The following SEPTIN9 variants were observed in gnomAD, a reference collection of about 807,000 sequenced individuals.
The protein encoded by SEPTIN9 is septin 9, also known as septin-9.
SEPTIN9 carries 13 observed loss-of-function variants against 56.6 expected under a neutral mutation model. That is an observed-to-expected ratio of 0.23 (90% confidence interval 0.15 to 0.37). The LOEUF is 0.37. Ranked by LOEUF, SEPTIN9 falls within the 10% of genes least tolerant of loss-of-function variation. The probability of loss-of-function intolerance (pLI) is 1.00; values close to 1 mark genes in which losing one functional copy is unlikely to be tolerated. For missense variants in SEPTIN9, 650 were observed against 823.1 expected, an observed-to-expected ratio of 0.79 and a Z score of 2.57; for synonymous variants, 332 against 334.1, an observed-to-expected ratio of 0.99 and a Z score of 0.07.
At chr17:77,430,536 A>T (rs1430120412) in intron 3 of SEPTIN9, among the ~76,000 whole-genome samples, 1 of 152,164 alleles carries the variant, frequency 6.6e-6, no homozygotes, top group Non-Finnish European at 1.5e-5. Context: ...AGCAGCCATC[A>T]CGCATTCCCG....
chr17:77,423,603 C>T (rs1313735901), intron 3 of SEPTIN9, among the ~76,000 whole-genome samples: 3 of 152,354 alleles, frequency 2.0e-5, no homozygotes, highest in South Asian at 4.1e-4. Flanking sequence ...CTCAGTGCCT[C>T]GATCCTAGCA....
chr17:77,319,809 T>A lies in SEPTIN9; in HGVS notation c.76+12612T>A. 9.3e-7 allele frequency: 1 copy of A among 1,074,892 alleles called. No individual in the cohort carries two copies. Among genetic ancestry groups the A allele is most frequent in the East Asian group, 4.9e-5 (1 of 20,378 alleles). The allele number at this position is 1,074,892 out of a possible 1,614,324, so 66.6% of individuals were successfully genotyped here. On this transcript the variant is annotated intron_variant, in intron 2 of 11. Coordinates refer to ENST00000427177, the MANE Select transcript of SEPTIN9 (RefSeq NM_001113491.2). This position sits in a 1 kb window ranked among gnomAD's most constrained non-coding sequence, Gnocchi z 5.3. ...GTCGTCAGGAATTTGACTCTGTGAG[T>A]TGGTTTCCAAGAGTCTAAGTTAAGC...
chr17:77,475,499 A>G lies in SEPTIN9; in HGVS notation c.722-6645A>G. On this transcript the variant is annotated intron_variant, in intron 3 of 11. Transcript: ENST00000427177. This position sits in a 1 kb window ranked among gnomAD's most constrained non-coding sequence, Gnocchi z 4.6. ...GGGGACAGGGAGCATCTGTTAGTTT[A>G]TAGGACCTGAAGTGCCCCCATGGGC... 3 of 1,603,774 alleles carry G rather than the reference A, an allele frequency of 1.9e-6. No homozygotes were observed. The highest frequency in any genetic ancestry group is 2.6e-6 in the Non-Finnish European group (3 of 1,175,766).
In SEPTIN9 at chr17:77,498,579, G is replaced by A. The variant is rs777206911; in HGVS notation, c.1682G>A (p.Arg561His). 3 of 1,601,090 alleles carry A rather than the reference G, an allele frequency of 1.9e-6. No individual in the cohort carries two copies. Among genetic ancestry groups the A allele is most frequent in the South Asian group, 2.2e-5 (2 of 89,448 alleles). Residue 561 changes from arginine to histidine, a missense_variant, in exon 12 of 12, where the codon CGT (arginine) becomes CAT (histidine). Physicochemically the swap from Arg to His is conservative, Grantham distance 29 (BLOSUM62 0). Around this residue, in one of 2 missense-constraint regions of SEPTIN9, gnomAD observed 333 missense variants for 494.0 expected, o/e 0.67. Coordinates refer to ENST00000427177, the MANE Select transcript of SEPTIN9 (RefSeq NM_001113491.2). ...AGCAGCATCCACTTCGAGGCGTACC[G>A]TGTGAAGCGCCTCAACGAGGGCAGC... ...ITSSIHFEAYRVKRLNEGSSA... is the reference protein window; with the variant it reads ...ITSSIHFEAYHVKRLNEGSSA...
At chr17:77,391,531 A>G (rs1337375704) in intron 2 of SEPTIN9, among the ~76,000 whole-genome samples, 1 of 152,168 alleles carries the variant, frequency 6.6e-6, no homozygotes, top group African/African-American at 2.4e-5. Context: ...ATTCAGAATG[A>G]TCTCACCTTG....
intron 2 of SEPTIN9, among the ~76,000 whole-genome samples, chr17:77,311,964 C>G (rs1043029722): frequency 6.6e-6 from 1 of 152,164 alleles, no homozygotes; most frequent in African/African-American, 2.4e-5. Context: ...TTGCCACCCA[C>G]CCAGGTTTGC....
intron 2 of SEPTIN9, among the ~76,000 whole-genome samples, chr17:77,346,278 C>CTTTTTTTTT (rs577131369): frequency 0.029 from 1,338 of 46,072 alleles, 85 homozygotes; most frequent in East Asian, 0.042. Context: ...ATCCTTAGGT[C>CTTTTTTTTT]TTTTTTTTTT....
intron 3 of SEPTIN9, among the ~76,000 whole-genome samples, chr17:77,454,998 C>T (rs2038133774): frequency 6.6e-6 from 1 of 151,274 alleles, no homozygotes; most frequent in African/African-American, 2.4e-5. Context: ...AGGTGATGGC[C>T]CATCTGTCCT....
rs12103791 is a variant in SEPTIN9 at position 77,462,220 on chromosome 17, A to G, written c.722-19924A>G. 4.3e-3 allele frequency among the ~76,000 whole-genome samples: 649 copies of G among 152,338 alleles called. 6 individuals are homozygous for G. Among genetic ancestry groups the G allele is most frequent in the African/African-American group, 0.015 (614 of 41,584 alleles). On this transcript the variant is annotated intron_variant, in intron 3 of 11. Coordinates refer to ENST00000427177, the MANE Select transcript of SEPTIN9 (RefSeq NM_001113491.2). ...CCTTCATAAGGAAATGAAGACCCAG[A>G]GAAACCGTTAGCCTGAGCGGTTTTT... is the stretch of plus-strand genomic sequence containing the variant.
At chr17:77,423,087 G>A (rs1469168842) in intron 3 of SEPTIN9, among the ~76,000 whole-genome samples, 1 of 152,060 alleles carries the variant, frequency 6.6e-6, no homozygotes, top group East Asian at 1.9e-4. Context: ...CCAGGCTGAA[G>A]TACAATGGTG....
At chr17:77,295,079 G>A (rs545003350) in intron 1 of SEPTIN9, among the ~76,000 whole-genome samples, 58 of 152,304 alleles carry the variant, frequency 3.8e-4, no homozygotes, top group African/African-American at 1.3e-3. Context: ...GCAAGCCTCC[G>A]TTTCCACCTC....
chr17:77,390,513 G>A (rs1488718224), intron 2 of SEPTIN9, among the ~76,000 whole-genome samples: 5 of 140,496 alleles, frequency 3.6e-5, no homozygotes, highest in Admixed American at 7.1e-5. Flanking sequence ...GTGCAGTGGC[G>A]CGATCTCGGC....
At chr17:77,372,836 A>G (rs1345608635) in intron 2 of SEPTIN9, among the ~76,000 whole-genome samples, 1 of 152,092 alleles carries the variant, frequency 6.6e-6, no homozygotes, top group Non-Finnish European at 1.5e-5. Context: ...TCGGCTCTTG[A>G]GCCCACAGGC....
At chr17:77,452,074 A>G (rs1305095901) in intron 3 of SEPTIN9, among the ~76,000 whole-genome samples, 4 of 152,206 alleles carry the variant, frequency 2.6e-5, no homozygotes, top group Non-Finnish European at 4.4e-5. Flanking sequence ...GCTACAGCGC[A>G]GCTCTGGATT....
At chr17:77,380,248 CAGTG>C (rs1298351610) in intron 2 of SEPTIN9, 3 of 99,796 alleles carry the variant, frequency 3.0e-5, no homozygotes, top group Non-Finnish European at 5.8e-5. Flanking sequence ...GGACCATAAA[CAGTG>C]AGGCCCGCCC....
intron 2 of SEPTIN9, among the ~76,000 whole-genome samples, chr17:77,352,465 G>C (rs2034098070): frequency 6.6e-6 from 1 of 152,036 alleles, no homozygotes; most frequent in South Asian, 2.1e-4. Flanking sequence ...AAAGTTTCTG[G>C]AGCCAGAAAT....
chr17:77,383,270 T>C (rs954440518), intron 2 of SEPTIN9, among the ~76,000 whole-genome samples: 3 of 151,204 alleles, frequency 2.0e-5, no homozygotes, highest in Admixed American at 2.0e-4. Flanking sequence ...AGGCACCTCC[T>C]GTGACTGAGC....
At chr17:77,307,262 A>T in intron 2 of SEPTIN9, 65 bp downstream of exon 2, 1 of 1,455,634 alleles carries the variant, frequency 6.9e-7, no homozygotes, top group Non-Finnish European at 9.6e-7. Flanking sequence ...GGGTCCCTTC[A>T]TTCTGGTCTG....
At chr17:77,324,545 G>A (rs2143675698) in intron 2 of SEPTIN9, among the ~76,000 whole-genome samples, 1 of 152,324 alleles carries the variant, frequency 6.6e-6, no homozygotes, top group South Asian at 2.1e-4. Context: ...CAGAGCTCAT[G>A]GTTGTGAGGG....
Sources: allele counts gnomAD v4.1 joint callset (sites outside exome capture counted in the v4.1 genomes callset), GRCh38; gene constraint gnomAD v4.1.1; regional missense constraint gnomAD v4.1.1; non-coding constraint Gnocchi (gnomAD v3.1); transcripts MANE v1.5; gene names NCBI Gene and HGNC (gene_info 2026-07-23, HGNC 2026-07-21).